The following ZFP41 variants were observed in gnomAD, a reference collection of about 807,000 sequenced individuals.
ZFP41 encodes zinc finger protein 41 homolog.
In ZFP41, 10 loss-of-function variants were observed where a neutral mutation model predicts 11.6. That is an observed-to-expected ratio of 0.86 (90% confidence interval 0.53 to 1.47). The LOEUF (loss-of-function observed/expected upper bound fraction) is 1.47. Ranked by LOEUF, ZFP41 falls within the 40% of genes most tolerant of loss-of-function variation. ZFP41 has a pLI of 0.00. For missense variants in ZFP41, 302 were observed against 264.6 expected (o/e 1.14, Z -0.98); for synonymous variants, 123 against 100.9 (o/e 1.22, Z -1.31).
Position 143,258,886 on chromosome 8 carries a change from G to A in ZFP41, c.*901-889G>A, listed in dbSNP as rs1308721603. Among the ~76,000 whole-genome samples the A allele has an allele frequency of 3.3e-5, 5 of 152,304 alleles. No individual in the cohort carries two copies. The East Asian group carries it at 9.7e-4, about 29-fold the overall frequency. On this transcript the variant is annotated intron_variant, in intron 2 of 2. Coordinates refer to ENST00000330701, the MANE Select transcript of ZFP41 (RefSeq NM_173832.6). Reference sequence around the variant, plus strand: ...CAGGTCGGATTCGGATCCTTGCATGGGACGGGCGGGGGTCCTCATCTCCTG... The same window carrying A: ...CAGGTCGGATTCGGATCCTTGCATGAGACGGGCGGGGGTCCTCATCTCCTG...
In ZFP41 at chr8:143,249,843, G is replaced by A. The variant is rs562581922; in HGVS notation, c.-1G>A. On this transcript the variant is annotated 5_prime_UTR_variant, in exon 2 of 3. An upstream start codon of the reference 5' UTR is lost. Coordinates refer to ENST00000330701, the MANE Select transcript of ZFP41 (RefSeq NM_173832.6). ...CCCTCACGCTTCCAAGGAACAGAAT[G>A]ATGGAGAAGCCTGCAGGCAGAAAAA... 10 of 1,588,202 alleles carry A rather than the reference G, an allele frequency of 6.3e-6. No individual in the cohort carries two copies. The highest frequency in any genetic ancestry group is 4.5e-5 in the South Asian group (4 of 87,948).
At chr8:143,256,764 T>C (rs188133255) in intron 2 of ZFP41, among the ~76,000 whole-genome samples, 2 of 152,224 alleles carry the variant, frequency 1.3e-5, no homozygotes, top group Non-Finnish European at 2.9e-5. Context: ...TTTTAACGTT[T>C]ATGGTTATGA....
chr8:143,253,428 C>T (rs192917498), intron 2 of ZFP41: 7 of 152,278 alleles, frequency 4.6e-5, no homozygotes, highest in African/African-American at 1.7e-4. Context: ...GCCTGTGCCT[C>T]AGCACCCACG....
rs201072788 is a variant in ZFP41, at chr8:143,250,254, C to G, written c.411C>G (p.His137Gln). ...SSDVTKHQRT[H>Q]TGEKPFKCGE... Reference sequence around the variant, plus strand: ...ACGTCACCAAACACCAGAGGACTCACACGGGAGAGAAGCCCTTCAAATGCG... The same window carrying G: ...ACGTCACCAAACACCAGAGGACTCAGACGGGAGAGAAGCCCTTCAAATGCG... Residue 137 changes from histidine (H) to glutamine (Q), a missense_variant, in exon 2 of 3, where the codon CAC (histidine) becomes CAG (glutamine). By Grantham distance (24) the His-to-Gln change is conservative. Coordinates refer to ENST00000330701, the MANE Select transcript of ZFP41 (RefSeq NM_173832.6). The G allele has an allele frequency of 6.8e-6, 11 of 1,614,120 alleles. No individual in the cohort carries two copies. Among genetic ancestry groups the G allele is most frequent in the Middle Eastern group, 1.6e-4 (1 of 6,062 alleles).
At chr8:143,256,210 C>T (rs1435741044) in intron 2 of ZFP41, among the ~76,000 whole-genome samples, 5 of 129,808 alleles carry the variant, frequency 3.9e-5, no homozygotes, top group Non-Finnish European at 4.8e-5. Flanking sequence ...GCTCGCCCCG[C>T]GTGCTGGAGT....
Position 143,250,492 on chromosome 8 carries a change from C to G in ZFP41, c.*52C>G. The G allele has an allele frequency of 1.3e-6, 2 of 1,572,858 alleles. No individual in the cohort carries two copies. The highest frequency in any genetic ancestry group is 1.7e-6 in the Non-Finnish European group (2 of 1,158,710). On this transcript the variant is annotated 3_prime_UTR_variant, in exon 2 of 3. Coordinates refer to ENST00000330701, the MANE Select transcript of ZFP41 (RefSeq NM_173832.6). Reference sequence around the variant, plus strand: ...CTGCGGTGCGAGCCTCGCCGGACACCTGCTCCGTGGCTCCCTCGTGTCCCG... The same window carrying G: ...CTGCGGTGCGAGCCTCGCCGGACACGTGCTCCGTGGCTCCCTCGTGTCCCG...
chr8:143,247,806 T>TTTTTG (rs1816721496), intron 1 of ZFP41: 1 of 152,226 alleles, frequency 6.6e-6, no homozygotes, highest in South Asian at 2.1e-4. Context: ...CGTGTGGGGT[T>TTTTTG]TTTTGTTTTG....
Position 143,249,971 on chromosome 8 carries a change from C to T in ZFP41, c.128C>T (p.Pro43Leu). 1.9e-6 allele frequency: 3 copies of T among 1,614,040 alleles called. No individual in the cohort carries two copies. The South Asian group carries it at 3.3e-5, about 18-fold the overall frequency. Residue 43 changes from proline to leucine, a missense_variant, in exon 2 of 3, where the codon CCC (proline) becomes CTC (leucine). By Grantham distance (98) the Pro-to-Leu change is moderately conservative. Transcript: ENST00000330701. ...DRKPPERPTV[P>L]RKPRTEPCLS... ...AAGCCACCTGAGAGGCCCACTGTGCCCAGGAAGCCCCGCACAGAGCCCTGC... is the reference window on the plus strand; with the variant it reads ...AAGCCACCTGAGAGGCCCACTGTGCTCAGGAAGCCCCGCACAGAGCCCTGC...
At chr8:143,249,564 G>C (rs553284089) in intron 1 of ZFP41, 126 bp from the exon 2 acceptor site, 6 of 356,558 alleles carry the variant, frequency 1.7e-5, no homozygotes, top group East Asian at 9.3e-5. Context: ...GGGCTCCGGG[G>C]AGATCAGCAA....
At chr8:143,253,268 C>G (rs1398230136) in intron 2 of ZFP41, 1 of 152,296 alleles carries the variant, frequency 6.6e-6, no homozygotes, top group East Asian at 1.9e-4. Context: ...AGCGTGGCGT[C>G]TGCAGTTCAT....
At chr8:143,259,465 GTACACTCAGCT>G (rs1160747443) in intron 2 of ZFP41, among the ~76,000 whole-genome samples, 1 of 152,198 alleles carries the variant, frequency 6.6e-6, no homozygotes, top group African/African-American at 2.4e-5. Flanking sequence ...ATCATGTCAT[GTACACTCAGCT>G]TACACATCTG....
chr8:143,249,566 G>A (rs1345558007), intron 1 of ZFP41, 124 bp from the exon 2 acceptor site: 1 of 363,530 alleles, frequency 2.8e-6, no homozygotes, highest in Non-Finnish European at 4.9e-6. Flanking sequence ...GCTCCGGGGA[G>A]ATCAGCAATG....
chr8:143,254,415 G>A (rs1182193098), intron 2 of ZFP41, among the ~76,000 whole-genome samples: 2 of 152,178 alleles, frequency 1.3e-5, no homozygotes, highest in Non-Finnish European at 2.9e-5. Flanking sequence ...TCGGACACAA[G>A]AAAGAAACCA....
intron 2 of ZFP41, 35 bp from the exon 3 acceptor site, chr8:143,259,740 T>C (rs1563730354): frequency 6.6e-6 from 1 of 152,204 alleles, no homozygotes. Context: ...ACCGCACTTC[T>C]CATGTATTCA....
At position 143,250,707 on chromosome 8, in the gene ZFP41, C is replaced by A. The variant is rs182203642; in HGVS notation, c.*267C>A. ...CTCCTTGCAGCCACAGAGCATTTTC[C>A]AAGTTCCCGATGGCGAACGGGGCTC... On this transcript the variant is annotated 3_prime_UTR_variant, in exon 2 of 3. Transcript: ENST00000330701. The A allele has an allele frequency of 7.2e-6, 4 of 557,158 alleles. No individual in the cohort carries two copies. The highest frequency in any genetic ancestry group is 1.3e-5 in the Non-Finnish European group (4 of 311,462). 34.5% of individuals were successfully genotyped at this position (557,158 alleles called of 1,614,324 possible). A position where few individuals can be genotyped will look rare whatever the true frequency, so the allele number is the denominator to read the frequency against.
intron 2 of ZFP41, among the ~76,000 whole-genome samples, chr8:143,258,749 A>G (rs1814970516): frequency 6.6e-6 from 1 of 152,264 alleles, no homozygotes; most frequent in Non-Finnish European, 1.5e-5. Context: ...AGAAGAAAAA[A>G]ACATCCATGG....
chr8:143,251,014 G>C lies in ZFP41; in HGVS notation c.*574G>C, dbSNP rs1417236464. 2.9e-5 allele frequency: 5 copies of C among 170,848 alleles called. No individual in the cohort carries two copies. The allele number at this position is 170,848 out of a possible 1,614,324, so 10.6% of individuals were successfully genotyped here. On this transcript the variant is annotated 3_prime_UTR_variant, in exon 2 of 3. Coordinates refer to ENST00000330701, the MANE Select transcript of ZFP41 (RefSeq NM_173832.6). Reference sequence around the variant, plus strand: ...GGCCGCTTGTCCCTGCCCGGCCTCTGTGCCCCAACTGTGCTTGGTCCTCTG... The same window carrying C: ...GGCCGCTTGTCCCTGCCCGGCCTCTCTGCCCCAACTGTGCTTGGTCCTCTG...
rs1442575412 is a variant in ZFP41, at chr8:143,250,822, T to A, written c.*382T>A. The A allele has an allele frequency of 3.8e-6, 1 of 265,322 alleles. No individual in the cohort carries two copies. The highest frequency in any genetic ancestry group is 4.9e-5 in the Admixed American group (1 of 20,514). 16.4% of individuals were successfully genotyped at this position (265,322 alleles called of 1,614,324 possible). ...CCAGCAGGAGAGGCTCCTGGTGTAGTGGGCAGCCCAGCACTTCCCGCTGCT... is the reference window on the plus strand; with the variant it reads ...CCAGCAGGAGAGGCTCCTGGTGTAGAGGGCAGCCCAGCACTTCCCGCTGCT... On this transcript the variant is annotated 3_prime_UTR_variant, in exon 2 of 3. Transcript: ENST00000330701.
rs1418447605 is a variant in ZFP41 at position 143,262,269 on chromosome 8, T to C, written c.*3395T>C. ...TGTGCCTGTGTCCCCGTGTGCCTGT[T>C]TCCTGGTGAGGCTGGATGCCTGGCA... On this transcript the variant is annotated 3_prime_UTR_variant, in exon 3 of 3. Transcript: ENST00000330701. 6.4e-6 allele frequency: 1 copy of C among 157,420 alleles called. No homozygotes were observed. Among genetic ancestry groups the C allele is most frequent in the East Asian group, 1.9e-4 (1 of 5,220 alleles). The allele number at this position is 157,420 out of a possible 1,614,324, so 9.8% of individuals were successfully genotyped here.
Sources: allele counts gnomAD v4.1 joint callset (sites outside exome capture counted in the v4.1 genomes callset), GRCh38; gene constraint gnomAD v4.1.1; transcripts MANE v1.5; gene names NCBI Gene and HGNC (gene_info 2026-07-23, HGNC 2026-07-21).